MBD5: variants seen among roughly 807,000 people sequenced by gnomAD.
MBD5 encodes the protein methyl-CpG binding domain protein 5.
In MBD5, 13 loss-of-function variants were observed where a neutral mutation model predicts 117.3. The ratio of observed to expected loss-of-function variants is 0.11; its 90% CI spans 0.07 to 0.18. The LOEUF (loss-of-function observed/expected upper bound fraction) is 0.18. Among genes scored for constraint, MBD5 ranks in the 10% least tolerant of loss-of-function variants. The pLI, the probability that MBD5 is intolerant of heterozygous loss-of-function variation, is 1.00. For missense variants in MBD5, 1,879 were observed against 2,093.8 expected (o/e 0.90, Z 2.00); for synonymous variants, 727 against 766.4 (o/e 0.95, Z 0.85).
At chr2:148,214,820 C>T (rs1699512223) in intron 2 of MBD5, among the ~76,000 whole-genome samples, 1 of 152,198 alleles carries the variant, frequency 6.6e-6, no homozygotes, top group Non-Finnish European at 1.5e-5. Context: ...GGTTCTACCA[C>T]TAATCAAAGT....
At chr2:148,107,668 AT>A (rs895835616) in intron 1 of MBD5, among the ~76,000 whole-genome samples, 46 of 151,038 alleles carry the variant, frequency 3.0e-4, no homozygotes, top group African/African-American at 7.5e-4. Context: ...ATTTTTAGAA[AT>A]TTTTTTTTGA....
At chr2:148,196,164 T>G (rs1158197237) in intron 2 of MBD5, 1 of 152,182 alleles carries the variant, frequency 6.6e-6, no homozygotes, top group Non-Finnish European at 1.5e-5. Context: ...TCTTTTGTTT[T>G]TTTCCTTAAT....
intron 1 of MBD5, among the ~76,000 whole-genome samples, chr2:148,124,865 A>G (rs574151747): frequency 3.3e-5 from 5 of 151,850 alleles, no homozygotes; most frequent in Non-Finnish European, 7.4e-5. Flanking sequence ...ATCAAGGAAT[A>G]GTTATACATA....
chr2:148,462,163 T>G (rs1707104984), intron 5 of MBD5, among the ~76,000 whole-genome samples: 1 of 152,166 alleles, frequency 6.6e-6, no homozygotes, highest in African/African-American at 2.4e-5. Context: ...GGTTCGAACT[T>G]CAATATGTTT....
chr2:148,490,438 C>T lies in MBD5; in HGVS notation c.4806C>T (p.Ser1602=), dbSNP rs866708563. 6.2e-7 allele frequency: 1 copy of T among 1,614,136 alleles called. No individual in the cohort carries two copies. The highest frequency in any genetic ancestry group is 1.7e-5 in the Admixed American group (1 of 60,020). ...SSEDDLRNPD[S]PSSNELIHYR... ...AAGATGACCTAAGGAACCCAGACTC[C>T]CCCTCTTCAAATGAATTGATACATT... is the stretch of plus-strand genomic sequence containing the variant. The change falls in exon 11 of 14, where the codon TCC becomes TCT. Residue 1602 remains serine (S), a synonymous_variant. Transcript: ENST00000642680.
intron 3 of MBD5, among the ~76,000 whole-genome samples, chr2:148,238,879 C>T (rs949650411): frequency 9.2e-5 from 14 of 152,106 alleles, no homozygotes; most frequent in South Asian, 4.1e-4. Flanking sequence ...TTCAGTACGA[C>T]CTCATCTTAA....
At chr2:148,256,265 AC>A (rs921643991) in intron 3 of MBD5, among the ~76,000 whole-genome samples, 6 of 152,174 alleles carry the variant, frequency 3.9e-5, no homozygotes, top group African/African-American at 1.2e-4. Flanking sequence ...GTATCAGTTT[AC>A]CCCCTGCATG....
intron 8 of MBD5, among the ~76,000 whole-genome samples, chr2:148,476,976 T>C (rs891944786): frequency 2.6e-5 from 4 of 151,866 alleles, no homozygotes; most frequent in African/African-American, 9.7e-5. Flanking sequence ...CTCACAAATA[T>C]TAAGAAAAAT....
intron 4 of MBD5, among the ~76,000 whole-genome samples, chr2:148,418,741 A>C (rs1705502212): frequency 2.0e-5 from 3 of 152,212 alleles, no homozygotes; most frequent in Non-Finnish European, 4.4e-5. Flanking sequence ...CACAAATGGA[A>C]ATATATCCCA....
intron 4 of MBD5, among the ~76,000 whole-genome samples, chr2:148,446,094 C>G (rs1706502316): frequency 1.3e-5 from 2 of 151,086 alleles, no homozygotes; most frequent in East Asian, 1.9e-4. Flanking sequence ...CCTGTTCACT[C>G]TGATGGTAGT....
At chr2:148,331,715 A>G (rs1037756201) in intron 3 of MBD5, among the ~76,000 whole-genome samples, 1 of 152,134 alleles carries the variant, frequency 6.6e-6, no homozygotes, top group Non-Finnish European at 1.5e-5. Flanking sequence ...AGATATACAA[A>G]TAGAGTACCC....
At chr2:148,391,196 G>T (rs1283466434) in intron 4 of MBD5, among the ~76,000 whole-genome samples, 1 of 152,068 alleles carries the variant, frequency 6.6e-6, no homozygotes, top group East Asian at 1.9e-4. Flanking sequence ...GTATTTCAGG[G>T]TTATTTGTTT....
At chr2:148,419,528 A>G (rs1414552876) in intron 4 of MBD5, among the ~76,000 whole-genome samples, 1 of 152,094 alleles carries the variant, frequency 6.6e-6, no homozygotes. Flanking sequence ...TCATTTATTG[A>G]ATTAGCCAGC....
At chr2:148,361,113 C>T (rs935648251) in intron 4 of MBD5, among the ~76,000 whole-genome samples, 3 of 152,172 alleles carry the variant, frequency 2.0e-5, no homozygotes, top group East Asian at 1.9e-4. Context: ...GTTGGGAGGC[C>T]GAGGCAGCCG....
At chr2:148,294,504 T>TTTTTTTTTTTG (rs1559009513) in intron 3 of MBD5, among the ~76,000 whole-genome samples, 2 of 21,496 alleles carry the variant, frequency 9.3e-5, no homozygotes, top group African/African-American at 3.0e-4. Context: ...GATTACAGTT[T>TTTTTTTTTTTG]TTTTTTTTTT....
intron 4 of MBD5, among the ~76,000 whole-genome samples, chr2:148,433,477 G>A (rs1250852694): frequency 6.6e-6 from 1 of 152,172 alleles, no homozygotes; most frequent in Admixed American, 6.6e-5. Flanking sequence ...TATGATATTG[G>A]CTGTGGGTTT....
intron 1 of MBD5, among the ~76,000 whole-genome samples, chr2:148,156,968 A>G (rs1697891381): frequency 6.6e-6 from 1 of 152,198 alleles, no homozygotes; most frequent in South Asian, 2.1e-4. Flanking sequence ...AAGATACTTC[A>G]TAAGTGCTTG....
chr2:148,120,359 T>TTGAATA (rs1481497661), intron 1 of MBD5, among the ~76,000 whole-genome samples: 11 of 152,198 alleles, frequency 7.2e-5, no homozygotes, highest in Non-Finnish European at 1.5e-4. Context: ...AGGGATTGCG[T>TTGAATA]TGAATATGTA....
chr2:148,381,866 T>G (rs186605606), intron 4 of MBD5, among the ~76,000 whole-genome samples: 1,614 of 152,198 alleles, frequency 0.011, 12 homozygotes, highest in African/African-American at 0.034. Flanking sequence ...CTAAGCTTCA[T>G]AAGTGAAGGA....
Sources: gnomAD v4.1 joint callset for allele counts (sites outside exome capture counted in the v4.1 genomes callset) on GRCh38, gnomAD v4.1.1 for gene constraint, MANE v1.5 for transcripts, NCBI Gene and HGNC (gene_info 2026-07-23, HGNC 2026-07-21) for gene names.